NAPA: variants seen among roughly 807,000 people sequenced by gnomAD.
The protein encoded by NAPA is alpha-soluble NSF attachment protein.
NAPA carries 18 observed loss-of-function variants against 48.0 expected under a neutral mutation model. The observed-to-expected ratio is 0.38, with a 90% CI of 0.26 to 0.56. The LOEUF (loss-of-function observed/expected upper bound fraction) is 0.56. NAPA is among the 20% of genes least tolerant of loss of function. The pLI, the probability that NAPA is intolerant of heterozygous loss-of-function variation, is 0.77. For missense variants in NAPA, 315 were observed against 385.0 expected (o/e 0.82, Z 1.52); for synonymous variants, 152 against 149.9 (o/e 1.01, Z -0.10).
Position 47,490,830 on chromosome 19 carries a change from C to T in NAPA, c.693G>A (p.Leu231=), listed in dbSNP as rs1968246737. ...CCCGGGAATCAGAGAAAGCTGGGAA[C>T]AGCTCCTCATACTTTTGGACAGCCA... is the stretch of plus-strand genomic sequence containing the variant. ...AKLAVQKYEE[L]FPAFSDSREC... is the part of the protein sequence containing the mutation. Residue 231 remains leucine, a synonymous_variant, in exon 9 of 11, where the codon CTG becomes CTA. Coordinates refer to ENST00000263354, the MANE Select transcript of NAPA (RefSeq NM_003827.4). 2 of 1,613,652 alleles carry T rather than the reference C, an allele frequency of 1.2e-6. No individual in the cohort carries two copies. Among genetic ancestry groups the T allele is most frequent in the Admixed American group, 1.7e-5 (1 of 59,958 alleles).
At chr19:47,504,627 G>A (rs964906055) in intron 1 of NAPA, among the ~76,000 whole-genome samples, 4 of 150,614 alleles carry the variant, frequency 2.7e-5, no homozygotes, top group African/African-American at 7.3e-5. Flanking sequence ...ACATCTTTTC[G>A]AGAAAAAAAA....
intron 8 of NAPA, 77 bp downstream of exon 8, chr19:47,491,938 G>C: frequency 7.6e-7 from 1 of 1,322,874 alleles, no homozygotes; most frequent in Non-Finnish European, 1.1e-6. Flanking sequence ...GTCCCTCTTC[G>C]GGGGCAACGG....
chr19:47,495,290 A>C, intron 4 of NAPA: 1 of 549,920 alleles, frequency 1.8e-6, no homozygotes, highest in Non-Finnish European at 3.2e-6. Context: ...CACCCTGCCC[A>C]GCTCAATAAC....
intron 3 of NAPA, among the ~76,000 whole-genome samples, chr19:47,498,697 G>T (rs1968495760): frequency 6.6e-6 from 1 of 152,190 alleles, no homozygotes; most frequent in South Asian, 2.1e-4. Flanking sequence ...GAAATTACAG[G>T]CATGAGCCAC....
rs762679484 is a variant in NAPA, at chr19:47,489,751, T to C, written c.746A>G (p.Glu249Gly). ...GTCCACATTCTGCTCCTCGTGGGCC[T>C]CTAGCAATTTCTGCAAGCAAATGGC... ...RECKLMKKLL[E>G]AHEEQNVDSY... Residue 249 changes from glutamate to glycine, a missense_variant, in exon 10 of 11, where the codon GAG becomes GGG. Physicochemically the swap from Glu to Gly is moderately conservative, Grantham distance 98. Coordinates refer to ENST00000263354, the MANE Select transcript of NAPA (RefSeq NM_003827.4). The C allele has an allele frequency of 2.5e-5, 41 of 1,613,940 alleles. No homozygotes were observed. The highest frequency in any genetic ancestry group is 2.5e-5 in the Non-Finnish European group (29 of 1,179,992).
intron 3 of NAPA, among the ~76,000 whole-genome samples, chr19:47,498,071 A>G (rs948559405): frequency 1.3e-5 from 2 of 151,956 alleles, no homozygotes; most frequent in African/African-American, 4.8e-5. Context: ...GCAGCAGGCC[A>G]CCCTCTGCGA....
rs1968345130 is a variant in NAPA at position 47,493,777 on chromosome 19, T to C, written c.343-284A>G. ...ATCCCATCCACGAGGGCACAGATGG[T>C]GTGACACCAGAGAGAATGTGAGCAC... On this transcript the variant is annotated intron_variant, in intron 4 of 10. Coordinates refer to ENST00000263354, the MANE Select transcript of NAPA (RefSeq NM_003827.4). The surrounding 1 kb of genome is among the most constrained non-coding windows in gnomAD (Gnocchi z 6.4). 4.5e-6 allele frequency: 2 copies of C among 441,988 alleles called. No homozygotes were observed. The highest frequency in any genetic ancestry group is 7.1e-5 in the Admixed American group (2 of 28,292). The allele number at this position is 441,988 out of a possible 1,614,324, so 27.4% of individuals were successfully genotyped here.
chr19:47,484,705 TA>T (rs369510340), downstream of NAPA, among the ~76,000 whole-genome samples: 1 of 144,018 alleles, frequency 6.9e-6, no homozygotes, highest in Non-Finnish European at 1.5e-5. Context: ...CACAGTTCAC[TA>T]TTTTTTTTTT....
chr19:47,500,848 A>G, intron 2 of NAPA, 99 bp from the exon 3 acceptor site: 1 of 885,760 alleles, frequency 1.1e-6, no homozygotes, highest in Non-Finnish European at 1.7e-6. Flanking sequence ...GCTCTCGAGA[A>G]TGCGGAAAGA....
chr19:47,492,765 G>A (rs546135762), intron 7 of NAPA, 196 bp downstream of exon 7: 113 of 698,368 alleles, frequency 1.6e-4, no homozygotes, highest in African/African-American at 1.2e-4. Flanking sequence ...GTGCTGGCAC[G>A]GCATGGAGTC....
rs1023208158 is a variant in NAPA at position 47,502,192 on chromosome 19, G to C, written c.178+1231C>G. Among the ~76,000 whole-genome samples, 6 of 115,418 alleles carry C rather than the reference G, an allele frequency of 5.2e-5. No homozygotes were observed. In the East Asian group the frequency reaches 1.8e-3, roughly 35 times the overall value. The allele number at this position is 115,418 out of a possible 152,430, so 75.7% of individuals were successfully genotyped here. On this transcript the variant is annotated intron_variant, in intron 2 of 10. Transcript: ENST00000263354. ...GGAGGCGGAGGTTGCAGTGAGCCAAGATCGCGCCACTGCACTCCAGCCTGG... is the reference window on the plus strand; with the variant it reads ...GGAGGCGGAGGTTGCAGTGAGCCAACATCGCGCCACTGCACTCCAGCCTGG...
chr19:47,493,306 C>T lies in NAPA; in HGVS notation c.420+110G>A. On this transcript the variant is annotated intron_variant, in intron 5 of 10. Transcript: ENST00000263354. This position sits in a 1 kb window ranked among gnomAD's most constrained non-coding sequence, Gnocchi z 6.4. ...CCCATTCTCCAAGCTCTGCCGGCGC[C>T]CCATGCCCCCTTCTCGGCACTCAGA... The T allele has an allele frequency of 6.7e-7, 1 of 1,494,606 alleles. No homozygotes were observed. Among genetic ancestry groups the T allele is most frequent in the South Asian group, 1.2e-5 (1 of 85,508 alleles). The allele number at this position is 1,494,606 out of a possible 1,614,324, so 92.6% of individuals were successfully genotyped here. A position where few individuals can be genotyped will look rare whatever the true frequency, so the allele number is the denominator to read the frequency against.
intron 1 of NAPA, among the ~76,000 whole-genome samples, chr19:47,508,372 C>G (rs954295600): frequency 6.6e-6 from 1 of 152,230 alleles, no homozygotes; most frequent in Admixed American, 6.5e-5. Context: ...AGCTGCCTCC[C>G]GCCACTCTGC....
chr19:47,492,675 T>G, intron 7 of NAPA: 2 of 548,950 alleles, frequency 3.6e-6, no homozygotes, highest in Non-Finnish European at 3.4e-6. Context: ...TCCCTCTGGG[T>G]TCTTTAGCCA....
Position 47,490,206 on chromosome 19 carries a change from T to G in NAPA, c.736-445A>C, listed in dbSNP as rs564751308. 6.6e-5 allele frequency among the ~76,000 whole-genome samples: 9 copies of G among 135,660 alleles called. No individual in the cohort carries two copies. The South Asian group carries it at 7.4e-4, about 11-fold the overall frequency. 89.0% of individuals were successfully genotyped at this position (135,660 alleles called of 152,430 possible). A position where few individuals can be genotyped will look rare whatever the true frequency, so the allele number is the denominator to read the frequency against. ...GTAGTGTGTGTGCAATGTGTGTGTG[T>G]GGGGTGTGTCATGTGTGGTGTGTGT... On this transcript the variant is annotated intron_variant, in intron 9 of 10. Coordinates refer to ENST00000263354, the MANE Select transcript of NAPA (RefSeq NM_003827.4).
At chr19:47,501,072 C>T (rs1217845908) in intron 2 of NAPA, among the ~76,000 whole-genome samples, 2 of 152,160 alleles carry the variant, frequency 1.3e-5, no homozygotes, top group Non-Finnish European at 2.9e-5. Context: ...AGGTAAAACA[C>T]CATGTCCCTA....
chr19:47,502,111 C>T (rs189538692), intron 2 of NAPA, among the ~76,000 whole-genome samples: 5 of 151,790 alleles, frequency 3.3e-5, no homozygotes, highest in Non-Finnish European at 5.9e-5. Flanking sequence ...CGTAGTGGCA[C>T]GTGCCTGTAA....
intron 9 of NAPA, 49 bp downstream of exon 9, chr19:47,490,739 C>A: frequency 6.4e-7 from 1 of 1,556,164 alleles, no homozygotes; most frequent in Non-Finnish European, 8.8e-7. Flanking sequence ...GCCCCAGCCA[C>A]CCCCGTCTGA....
chr19:47,502,870 C>A (rs1003748504), intron 2 of NAPA, among the ~76,000 whole-genome samples: 1 of 152,198 alleles, frequency 6.6e-6, no homozygotes, highest in African/African-American at 2.4e-5. Context: ...GCCTTGGTTT[C>A]TGAATCTTGG....
Sources: allele counts gnomAD v4.1 joint callset (sites outside exome capture counted in the v4.1 genomes callset), GRCh38; gene constraint gnomAD v4.1.1; non-coding constraint Gnocchi (gnomAD v3.1); transcripts MANE v1.5; gene names NCBI Gene and HGNC (gene_info 2026-07-23, HGNC 2026-07-21).